The following GSG1L variants were observed in gnomAD, a reference collection of about 807,000 sequenced individuals.
The protein encoded by GSG1L is GSG1 like.
A neutral mutation model predicts 42.1 loss-of-function variants in GSG1L; 24 were observed. That is an observed-to-expected ratio of 0.57 (90% CI 0.41 to 0.80). GSG1L has a LOEUF of 0.80. Among genes scored for constraint, GSG1L ranks in the 30% least tolerant of loss-of-function variants. The probability of loss-of-function intolerance (pLI) is 0.00; values close to 1 mark genes in which losing one functional copy is unlikely to be tolerated. For missense variants in GSG1L, 445 were observed against 472.2 expected, an observed-to-expected ratio of 0.94 and a Z score of 0.53; for synonymous variants, 215 against 203.5, an observed-to-expected ratio of 1.06 and a Z score of -0.48.
intron 2 of GSG1L, among the ~76,000 whole-genome samples, chr16:27,901,031 G>C (rs923215507): frequency 6.6e-6 from 1 of 152,138 alleles, no homozygotes; most frequent in Admixed American, 6.5e-5. Flanking sequence ...AGGTGGCTGA[G>C]GCAGGAGAAT....
chr16:27,795,905 G>A (rs1385182344), intron 6 of GSG1L, among the ~76,000 whole-genome samples: 1 of 152,184 alleles, frequency 6.6e-6, no homozygotes, highest in African/African-American at 2.4e-5. Context: ...CCGGGAATCA[G>A]ACATAATTGC....
At chr16:27,802,052 C>T (rs1012978745) in intron 6 of GSG1L, among the ~76,000 whole-genome samples, 1 of 152,120 alleles carries the variant, frequency 6.6e-6, no homozygotes, top group Non-Finnish European at 1.5e-5. Context: ...GTCCCCCCTT[C>T]CTGCTTTCCC....
At chr16:27,894,713 A>G (rs1463140201) in intron 2 of GSG1L, among the ~76,000 whole-genome samples, 5 of 152,196 alleles carry the variant, frequency 3.3e-5, no homozygotes. Context: ...GAGGCCATGG[A>G]GAGCTGTAGG....
chr16:27,931,150 C>T (rs2084653434), intron 2 of GSG1L, among the ~76,000 whole-genome samples: 1 of 152,184 alleles, frequency 6.6e-6, no homozygotes, highest in South Asian at 2.1e-4. Context: ...AATCATTTGA[C>T]ATCTGCTTCT....
chr16:27,887,510 G>A (rs1339635222), intron 2 of GSG1L, among the ~76,000 whole-genome samples: 1 of 152,232 alleles, frequency 6.6e-6, no homozygotes, highest in Non-Finnish European at 1.5e-5. Context: ...CCAGTTTGAG[G>A]AGAATTTCCA....
intron 3 of GSG1L, among the ~76,000 whole-genome samples, chr16:27,855,741 G>C (rs199646242): frequency 8.9e-6 from 1 of 111,890 alleles, no homozygotes; most frequent in African/African-American, 3.4e-5. Flanking sequence ...AAAAAAAAAA[G>C]AGACCAACGG....
intron 3 of GSG1L, among the ~76,000 whole-genome samples, chr16:27,848,717 G>A (rs1452929497): frequency 6.6e-6 from 1 of 152,122 alleles, no homozygotes; most frequent in Non-Finnish European, 1.5e-5. Flanking sequence ...TTGGAGGTGG[G>A]GGGCACTTCA....
intron 1 of GSG1L, among the ~76,000 whole-genome samples, chr16:28,050,052 A>G (rs1027082502): frequency 1.3e-5 from 2 of 152,258 alleles, no homozygotes; most frequent in Non-Finnish European, 2.9e-5. Flanking sequence ...GGTGCCTAGA[A>G]GAAGACCTGG....
At chr16:27,923,660 T>G (rs577374466) in intron 2 of GSG1L, among the ~76,000 whole-genome samples, 1 of 149,336 alleles carries the variant, frequency 6.7e-6, no homozygotes, top group South Asian at 2.1e-4. Flanking sequence ...GAGAATCACT[T>G]GAACCCAGGA....
chr16:28,038,525 G>A (rs567441652), intron 1 of GSG1L, among the ~76,000 whole-genome samples: 35 of 152,216 alleles, frequency 2.3e-4, no homozygotes, highest in African/African-American at 7.9e-4. Context: ...AAGTGGGGAC[G>A]TGCATGTGCA....
chr16:27,946,688 GAA>G (rs1300662827), intron 2 of GSG1L, among the ~76,000 whole-genome samples: 1 of 145,890 alleles, frequency 6.9e-6, no homozygotes, highest in East Asian at 2.0e-4. Context: ...AAGAAAGAAA[GAA>G]AGAATTAAAT....
chr16:27,955,920 GGAAGGAAA>G lies in GSG1L; in HGVS notation c.397+7228_397+7235del, dbSNP rs1236442369. The stretch of plus-strand genomic sequence containing the variant: ...AGGAAGGAAGGAAGGAAGGAAGGAA[GGAAGGAAA>G]GAAGGAAGGAAGGAAGGGAGGAAGG... On this transcript the variant is annotated intron_variant, in intron 2 of 6. Coordinates refer to ENST00000447459, the MANE Select transcript of GSG1L (RefSeq NM_001109763.2). Among the ~76,000 whole-genome samples the G allele has an allele frequency of 7.1e-3, 991 of 139,210 alleles. 22 individuals carry two copies. Among genetic ancestry groups the G allele is most frequent in the African/African-American group, 0.031 (933 of 30,476 alleles). The allele number at this position is 139,210 out of a possible 152,430, so 91.3% of individuals were successfully genotyped here.
chr16:27,976,459 C>T (rs12927375), intron 1 of GSG1L, among the ~76,000 whole-genome samples: 3 of 152,012 alleles, frequency 2.0e-5, no homozygotes, highest in Non-Finnish European at 2.9e-5. Context: ...CTTCATAAAT[C>T]GTCTTTCTCA....
In GSG1L at chr16:27,948,908, C is replaced by CTATTATTATTATTATTATTATTATTAT. The variant is rs372937677; in HGVS notation, c.397+14247_397+14248insATAATAATAATAATAATAATAATAATA. On this transcript the variant is annotated intron_variant, in intron 2 of 6. Coordinates refer to ENST00000447459, the MANE Select transcript of GSG1L (RefSeq NM_001109763.2). ...ACAGGTGTGAACCACCGCACCTGATCTATTATTATTATTATTATTATTATT... is the reference window on the plus strand; with the variant it reads ...ACAGGTGTGAACCACCGCACCTGATCTATTATTATTATTATTATTATTATTATTATTATTATTATTATTATTATTATT... Among the ~76,000 whole-genome samples, 367 of 141,400 alleles carry CTATTATTATTATTATTATTATTATTAT rather than the reference C, an allele frequency of 2.6e-3. 3 individuals carry two copies. Among genetic ancestry groups the CTATTATTATTATTATTATTATTATTAT allele is most frequent in the South Asian group, 0.019 (81 of 4,274 alleles). 92.8% of individuals were successfully genotyped at this position (141,400 alleles called of 152,430 possible).
intron 5 of GSG1L, among the ~76,000 whole-genome samples, chr16:27,809,827 C>T (rs555023126): frequency 3.1e-4 from 47 of 152,318 alleles, no homozygotes; most frequent in Admixed American, 3.1e-3. Context: ...CCTCTTCTCT[C>T]ATGCAAGGAA....
At chr16:28,010,236 AG>A (rs2085699713) in intron 1 of GSG1L, among the ~76,000 whole-genome samples, 1 of 152,184 alleles carries the variant, frequency 6.6e-6, no homozygotes, top group African/African-American at 2.4e-5. Flanking sequence ...ACGCTCTTTG[AG>A]AGGGATTTGT....
At chr16:28,031,246 G>T (rs1196017968) in intron 1 of GSG1L, among the ~76,000 whole-genome samples, 7 of 136,924 alleles carry the variant, frequency 5.1e-5, no homozygotes, top group Admixed American at 1.4e-4. Context: ...GGGATGGGGT[G>T]GGATAAGATG....
intron 3 of GSG1L, among the ~76,000 whole-genome samples, chr16:27,873,747 G>T (rs2141014119): frequency 6.6e-6 from 1 of 152,334 alleles, no homozygotes; most frequent in African/African-American, 2.4e-5. Flanking sequence ...CCTGGGCTCA[G>T]GGATAAGAAT....
At chr16:27,828,126 C>T (rs1420839320) in intron 5 of GSG1L, among the ~76,000 whole-genome samples, 1 of 152,118 alleles carries the variant, frequency 6.6e-6, no homozygotes, top group African/African-American at 2.4e-5. Context: ...TTGATCCATC[C>T]ATTCATCCAG....
Sources: gnomAD v4.1 joint callset for allele counts (sites outside exome capture counted in the v4.1 genomes callset) on GRCh38, gnomAD v4.1.1 for gene constraint, MANE v1.5 for transcripts, NCBI Gene and HGNC (gene_info 2026-07-23, HGNC 2026-07-21) for gene names.